Variants in THSD4 observed in about 807,000 individuals in gnomAD.
THSD4 encodes thrombospondin type 1 domain containing 4.
In THSD4, 69 loss-of-function variants were observed where a neutral mutation model predicts 119.0. The ratio of observed to expected loss-of-function variants is 0.58; its 90% confidence interval spans 0.48 to 0.71. THSD4 has a LOEUF of 0.71. Ranked by LOEUF, THSD4 falls within the 30% of genes least tolerant of loss-of-function variation. THSD4 has a pLI of 0.00. For synonymous variants in THSD4, 524 were observed against 540.4 expected, an observed-to-expected ratio of 0.97 and a Z score of 0.42; for missense variants, 1,393 against 1,391.1, an observed-to-expected ratio of 1.00 and a Z score of -0.02.
At chr15:71,329,583 C>A (rs907307221) in intron 6 of THSD4, among the ~76,000 whole-genome samples, 1 of 152,188 alleles carries the variant, frequency 6.6e-6, no homozygotes, top group Admixed American at 6.5e-5. Flanking sequence ...TCGATGTTGT[C>A]CCCTGTGAGA....
At chr15:71,485,819 A>C (rs1466692283) in intron 7 of THSD4, among the ~76,000 whole-genome samples, 1 of 152,208 alleles carries the variant, frequency 6.6e-6, no homozygotes, top group Non-Finnish European at 1.5e-5. Flanking sequence ...TCAACAGTGC[A>C]TAGCTTTCTT....
At chr15:71,457,807 T>A (rs1212103280) in intron 7 of THSD4, among the ~76,000 whole-genome samples, 1 of 152,202 alleles carries the variant, frequency 6.6e-6, no homozygotes, top group Non-Finnish European at 1.5e-5. Flanking sequence ...TATTCTTACC[T>A]GAGGTCTTAG....
chr15:71,739,069 G>GA (rs1034459049), intron 11 of THSD4, among the ~76,000 whole-genome samples: 1 of 141,834 alleles, frequency 7.1e-6, no homozygotes, highest in African/African-American at 2.6e-5. Flanking sequence ...AATCCCAGTT[G>GA]AAACTCATTC....
At chr15:71,123,512 C>A (rs2040425957) in intron 1 of THSD4, among the ~76,000 whole-genome samples, 1 of 152,206 alleles carries the variant, frequency 6.6e-6, no homozygotes, top group Non-Finnish European at 1.5e-5. Flanking sequence ...CAGGTGAACA[C>A]TAGAACTTCT....
At chr15:71,607,307 C>T (rs1274077914) in intron 7 of THSD4, among the ~76,000 whole-genome samples, 1 of 152,104 alleles carries the variant, frequency 6.6e-6, no homozygotes, top group Non-Finnish European at 1.5e-5. Context: ...GTCCAGCTTG[C>T]AAAAATGCTC....
At chr15:71,602,048 T>C (rs1204198359) in intron 7 of THSD4, among the ~76,000 whole-genome samples, 1 of 152,126 alleles carries the variant, frequency 6.6e-6, no homozygotes, top group Non-Finnish European at 1.5e-5. Context: ...GGATCTTAAA[T>C]GTTGGGTTTG....
chr15:71,225,220 C>T (rs1029443446), intron 4 of THSD4, among the ~76,000 whole-genome samples: 2 of 152,172 alleles, frequency 1.3e-5, no homozygotes, highest in South Asian at 2.1e-4. Context: ...AGGAGAGTGA[C>T]AATAATGAAG....
chr15:71,443,942 C>T (rs1353230537), intron 7 of THSD4, among the ~76,000 whole-genome samples: 1 of 152,212 alleles, frequency 6.6e-6, no homozygotes, highest in Admixed American at 6.5e-5. Flanking sequence ...AGCCACACTG[C>T]TAAAGCATAG....
chr15:71,387,597 C>A (rs1300263986), intron 6 of THSD4, among the ~76,000 whole-genome samples: 1 of 152,108 alleles, frequency 6.6e-6, no homozygotes, highest in Non-Finnish European at 1.5e-5. Flanking sequence ...AATTATGTTG[C>A]CTGATATCTG....
chr15:71,745,116 C>T lies in THSD4; in HGVS notation c.1917C>T (p.Tyr639=), dbSNP rs758502088. The change falls in exon 12 of 18, where the codon TAC becomes TAT. Residue 639 remains tyrosine, a synonymous_variant. Transcript: ENST00000261862. ...CTCCTGTTGTTGCAGGATCGCAGTA[C>T]CCTATTTTCCGCTGTGTGCACAGAA... ...CSTTCGKGSQ[Y]PIFRCVHRST... 2.5e-6 allele frequency: 4 copies of T among 1,611,152 alleles called. No homozygotes were observed. The highest frequency in any genetic ancestry group is 4.5e-5 in the East Asian group (2 of 44,834).
At chr15:71,242,059 C>T (rs1435655037) in intron 4 of THSD4, among the ~76,000 whole-genome samples, 1 of 152,052 alleles carries the variant, frequency 6.6e-6, no homozygotes, top group African/African-American at 2.4e-5. Flanking sequence ...TATTTAACGC[C>T]CTTGAATATT....
intron 7 of THSD4, among the ~76,000 whole-genome samples, chr15:71,445,398 A>G (rs2047167854): frequency 2.0e-5 from 3 of 152,214 alleles, no homozygotes; most frequent in Admixed American, 1.3e-4. Flanking sequence ...TACTTACTCA[A>G]AAGATGTTTG....
In THSD4 at chr15:71,215,300, C is replaced by A; in HGVS notation, c.365C>A (p.Pro122Gln). 6.6e-7 allele frequency: 1 copy of A among 1,524,688 alleles called. No homozygotes were observed. The highest frequency in any genetic ancestry group is 8.8e-7 in the Non-Finnish European group (1 of 1,142,142). 94.4% of individuals were successfully genotyped at this position (1,524,688 alleles called of 1,614,324 possible). A position where few individuals can be genotyped will look rare whatever the true frequency, so the allele number is the denominator to read the frequency against. Residue 122 changes from proline (P) to glutamine (Q), a missense_variant, in exon 4 of 18, where the codon CCA becomes CAA. Pro to Gln is a moderately conservative substitution (Grantham distance 76, BLOSUM62 -1). Coordinates refer to ENST00000261862, the MANE Select transcript of THSD4 (RefSeq NM_024817.3). ...CTGCACCGGAGCCGCGACGAGACGC[C>A]AGCGCTGGCCGGTACGGACGCCAGC... ...VPLHRSRDET[P>Q]ALAGTDASRQ... is the part of the protein sequence containing the mutation.
chr15:71,560,084 C>T (rs996744971), intron 7 of THSD4, among the ~76,000 whole-genome samples: 2 of 152,062 alleles, frequency 1.3e-5, no homozygotes, highest in Non-Finnish European at 2.9e-5. Flanking sequence ...ACTTAAAAAA[C>T]CTTATTTTCT....
rs1267268740 is a variant in THSD4 at position 71,141,572 on chromosome 15, T to C, written c.29+16T>C. 6.2e-7 allele frequency: 1 copy of C among 1,603,088 alleles called. No individual in the cohort carries two copies. The highest frequency in any genetic ancestry group is 8.5e-7 in the Non-Finnish European group (1 of 1,175,848). On this transcript the variant is annotated intron_variant, in intron 2 of 17. Transcript: ENST00000261862. Reference sequence around the variant, plus strand: ...GGTCTCTCAGGTAAGTGAAGAAACTTTTTTTAAAAAAACAGGAGAATAAGA... The same window carrying C: ...GGTCTCTCAGGTAAGTGAAGAAACTCTTTTTAAAAAAACAGGAGAATAAGA...
In THSD4 at chr15:71,245,610, C is replaced by T. The variant is rs939598778; in HGVS notation, c.912+2514C>T. On this transcript the variant is annotated intron_variant, in intron 5 of 17. Transcript: ENST00000261862. ...AGAATCACAGTGGAGCCACATAGGA[C>T]TTGCTTAATTCCTCTGCAATGACTT... 3.3e-5 allele frequency among the ~76,000 whole-genome samples: 5 copies of T among 152,206 alleles called. No homozygotes were observed. In the South Asian group the frequency reaches 1.0e-3, roughly 31 times the overall value.
chr15:71,365,328 C>A (rs1596369828), intron 6 of THSD4, among the ~76,000 whole-genome samples: 1 of 152,170 alleles, frequency 6.6e-6, no homozygotes, highest in East Asian at 1.9e-4. Context: ...CAGTCTCTAC[C>A]CTTCCTGTCA....
intron 8 of THSD4, among the ~76,000 whole-genome samples, chr15:71,683,949 G>C (rs1168253670): frequency 5.3e-5 from 8 of 152,136 alleles, no homozygotes; most frequent in African/African-American, 1.9e-4. Flanking sequence ...ACTCTAGCCT[G>C]GACGACAGAG....
At chr15:71,224,675 G>A (rs1356712324) in intron 4 of THSD4, among the ~76,000 whole-genome samples, 1 of 152,184 alleles carries the variant, frequency 6.6e-6, no homozygotes, top group African/African-American at 2.4e-5. Flanking sequence ...CCTTCTGGGG[G>A]CTTTGAGGAG....
Sources: allele counts gnomAD v4.1 joint callset (sites outside exome capture counted in the v4.1 genomes callset), GRCh38; gene constraint gnomAD v4.1.1; transcripts MANE v1.5; gene names NCBI Gene and HGNC (gene_info 2026-07-23, HGNC 2026-07-21).